Variants in CAMTA1 observed in about 807,000 individuals in gnomAD.
CAMTA1 encodes calmodulin-binding transcription activator 1.
Under a neutral mutation model 170.9 loss-of-function variants are expected in CAMTA1, and 27 were observed. The observed-to-expected ratio is 0.16, with a 90% CI of 0.12 to 0.22. CAMTA1 has a LOEUF of 0.22. Among genes scored for constraint, CAMTA1 ranks in the 10% least tolerant of loss-of-function variants. The pLI is 1.00. For synonymous variants in CAMTA1, 833 were observed against 891.5 expected, an observed-to-expected ratio of 0.93 and a Z score of 1.17; for missense variants, 1,619 against 2,217.2, an observed-to-expected ratio of 0.73 and a Z score of 5.42.
chr1:7,468,896 GAA>G (rs1362997157), intron 6 of CAMTA1, among the ~76,000 whole-genome samples: 1 of 152,210 alleles, frequency 6.6e-6, no homozygotes, highest in Non-Finnish European at 1.5e-5. Flanking sequence ...AGCTCAGGGA[GAA>G]AAGAGTCACA....
At position 7,640,510 on chromosome 1, in the gene CAMTA1, G is replaced by A. The variant is rs370264033; in HGVS notation, c.621G>A (p.Ala207=). ...TCAACACCGACAAGAAGGAGTGGGC[G>A]AAATGGACGAAAGAAGAGCTCATCG... is the stretch of plus-strand genomic sequence containing the variant. The part of the protein sequence containing the change: ...CSINTDKKEW[A]KWTKEELIGQ... The change falls in exon 7 of 23, where the codon GCG becomes GCA. Residue 207 remains alanine, a synonymous_variant. Coordinates refer to ENST00000303635, the MANE Select transcript of CAMTA1 (RefSeq NM_015215.4). The A allele has an allele frequency of 1.8e-5, 29 of 1,614,128 alleles. No homozygotes were observed. The highest frequency in any genetic ancestry group is 1.3e-4 in the African/African-American group (10 of 74,946).
Position 7,673,494 on chromosome 1 carries a change from C to T in CAMTA1, c.2779+2457C>T, listed in dbSNP as rs2096079013. 6.6e-6 allele frequency among the ~76,000 whole-genome samples: 1 copy of T among 152,338 alleles called. No homozygotes were observed. Among genetic ancestry groups the T allele is most frequent in the South Asian group, 2.1e-4 (1 of 4,828 alleles). The stretch of plus-strand genomic sequence containing the variant: ...GAGAGGGTACCAGGGCAGTTTGGGT[C>T]TCAACAGGCAGTTCTCCTGGTCCTG... On this transcript the variant is annotated intron_variant, in intron 10 of 22. Transcript: ENST00000303635. The surrounding 1 kb of genome is among the most constrained non-coding windows in gnomAD (Gnocchi z 4.6).
At chr1:7,452,031 T>C (rs2092837058) in intron 5 of CAMTA1, among the ~76,000 whole-genome samples, 1 of 152,208 alleles carries the variant, frequency 6.6e-6, no homozygotes, top group Non-Finnish European at 1.5e-5. Flanking sequence ...GACCTCAGGC[T>C]CACTGGGCTA....
At chr1:7,388,756 A>G (rs112058331) in intron 5 of CAMTA1, among the ~76,000 whole-genome samples, 2,216 of 152,202 alleles carry the variant, frequency 0.015, 59 homozygotes, top group African/African-American at 0.05. Flanking sequence ...GCCCATCTCC[A>G]CTTGGAGTTA....
chr1:7,059,861 A>C (rs748217330), intron 3 of CAMTA1, among the ~76,000 whole-genome samples: 10 of 152,198 alleles, frequency 6.6e-5, no homozygotes, highest in Non-Finnish European at 1.5e-4. Flanking sequence ...TAGGATCTAA[A>C]TCTCACAAAA....
chr1:6,954,304 C>T (rs1689060476), intron 3 of CAMTA1, among the ~76,000 whole-genome samples: 1 of 152,140 alleles, frequency 6.6e-6, no homozygotes, highest in Admixed American at 6.5e-5. Context: ...TGTCAGTTCC[C>T]CAGCTGTTGT....
chr1:7,133,893 T>A (rs1380444674), intron 4 of CAMTA1, among the ~76,000 whole-genome samples: 3 of 152,228 alleles, frequency 2.0e-5, no homozygotes. Flanking sequence ...GAAATAAGTT[T>A]TTTAAAATAA....
At chr1:7,244,798 C>A (rs981679284) in intron 4 of CAMTA1, among the ~76,000 whole-genome samples, 1 of 151,916 alleles carries the variant, frequency 6.6e-6, no homozygotes, top group Non-Finnish European at 1.5e-5. Flanking sequence ...TGCTAAACGA[C>A]GAGTTAATGG....
In CAMTA1 at chr1:7,531,054, T is replaced by A. The variant is rs529161746; in HGVS notation, c.510+63153T>A. Among the ~76,000 whole-genome samples, 5 of 151,906 alleles carry A rather than the reference T, an allele frequency of 3.3e-5. No individual in the cohort carries two copies. The South Asian group carries it at 1.0e-3, about 32-fold the overall frequency. ...CTGGTCTCAAACTCCTGACCTCAGG[T>A]GATCTGTATGCCTCGGCCTCCCAAA... On this transcript the variant is annotated intron_variant, in intron 6 of 22. Transcript: ENST00000303635.
chr1:7,737,142 GC>G, intron 14 of CAMTA1, 112 bp from the exon 15 acceptor site: 1 of 1,314,834 alleles, frequency 7.6e-7, no homozygotes, highest in Non-Finnish European at 1.1e-6. Flanking sequence ...ATCTTCAATG[GC>G]CCCACCGAGA....
chr1:7,305,761 G>A (rs570027707), intron 5 of CAMTA1, among the ~76,000 whole-genome samples: 16 of 152,116 alleles, frequency 1.1e-4, no homozygotes, highest in East Asian at 3.9e-4. Flanking sequence ...GAATGGTTGC[G>A]TTAGATAGTA....
chr1:7,341,729 C>G (rs1000403337), intron 5 of CAMTA1, among the ~76,000 whole-genome samples: 1 of 152,224 alleles, frequency 6.6e-6, no homozygotes, highest in Admixed American at 6.5e-5. Context: ...TTCAGACAGT[C>G]TGGGCTCAGC....
chr1:7,444,581 C>G (rs533358591), intron 5 of CAMTA1, among the ~76,000 whole-genome samples: 76 of 152,322 alleles, frequency 5.0e-4, no homozygotes, highest in African/African-American at 1.8e-3. Flanking sequence ...GGAAGTGAAG[C>G]CCTGAGCCAC....
At chr1:7,087,994 G>A (rs1640971346) in intron 3 of CAMTA1, among the ~76,000 whole-genome samples, 1 of 152,354 alleles carries the variant, frequency 6.6e-6, no homozygotes, top group African/African-American at 2.4e-5. Flanking sequence ...TCTGGTGAGG[G>A]GGTGGCCTGG....
intron 5 of CAMTA1, among the ~76,000 whole-genome samples, chr1:7,374,024 G>T (rs2150074031): frequency 6.6e-6 from 1 of 152,328 alleles, no homozygotes; most frequent in East Asian, 1.9e-4. Flanking sequence ...CTGACTGGTG[G>T]CTCCTGCCCA....
chr1:6,789,372 C>T (rs140710649), intron 1 of CAMTA1, among the ~76,000 whole-genome samples: 2 of 152,280 alleles, frequency 1.3e-5, no homozygotes, highest in Non-Finnish European at 2.9e-5. Context: ...TGGATGTCCG[C>T]CCATGTGTCC....
chr1:7,345,128 A>T (rs72863592), intron 5 of CAMTA1, among the ~76,000 whole-genome samples: 2,270 of 152,244 alleles, frequency 0.015, 56 homozygotes, highest in African/African-American at 0.052. Flanking sequence ...TTTTCTTGAT[A>T]AGAATCCTTC....
In CAMTA1 at chr1:7,749,425, C is replaced by T. The variant is rs975921074; in HGVS notation, c.4689+1644C>T. ...CCTGTAGCTCTATAGCAGGGAGCCG[C>T]ACTGGCTTCTGTTTGGTGAGCAGGC... On this transcript the variant is annotated intron_variant, in intron 19 of 22. Transcript: ENST00000303635. Among the ~76,000 whole-genome samples, 5 of 152,194 alleles carry T rather than the reference C, an allele frequency of 3.3e-5. No individual in the cohort carries two copies. In the East Asian group the frequency reaches 9.7e-4, roughly 29 times the overall value.
At chr1:7,377,521 A>G (rs1055225491) in intron 5 of CAMTA1, among the ~76,000 whole-genome samples, 30 of 152,208 alleles carry the variant, frequency 2.0e-4, no homozygotes, top group African/African-American at 7.0e-4. Flanking sequence ...CATTGGGTAA[A>G]AAGTCCGAGG....
Sources: allele counts gnomAD v4.1 joint callset (sites outside exome capture counted in the v4.1 genomes callset), GRCh38; gene constraint gnomAD v4.1.1; non-coding constraint Gnocchi (gnomAD v3.1); transcripts MANE v1.5; gene names NCBI Gene and HGNC (gene_info 2026-07-23, HGNC 2026-07-21).